Variants in ADAMTS17 observed in about 807,000 individuals in gnomAD.
ADAMTS17 encodes the protein A disintegrin and metalloproteinase with thrombospondin motifs 17.
ADAMTS17 carries 113 observed loss-of-function variants against 141.5 expected under a neutral mutation model. That is an observed-to-expected ratio of 0.80 (90% CI 0.69 to 0.93). ADAMTS17 has a LOEUF of 0.93. Ranked by LOEUF, ADAMTS17 falls within the 40% of genes least tolerant of loss-of-function variation. The pLI, the probability that ADAMTS17 is intolerant of heterozygous loss-of-function variation, is 0.00. For missense variants in ADAMTS17, 1,659 were observed against 1,517.9 expected, an observed-to-expected ratio of 1.09 and a Z score of -1.54; for synonymous variants, 768 against 630.6, an observed-to-expected ratio of 1.22 and a Z score of -3.27.
intron 14 of ADAMTS17, among the ~76,000 whole-genome samples, chr15:100,103,341 G>C (rs554323091): frequency 3.3e-5 from 5 of 152,186 alleles, no homozygotes; most frequent in Admixed American, 6.5e-5. Flanking sequence ...TAAGTGCCAG[G>C]CACGCTTTCC....
At chr15:100,281,129 C>G (rs2044265782) in intron 4 of ADAMTS17, 100 bp downstream of exon 4, 1 of 1,516,096 alleles carries the variant, frequency 6.6e-7, no homozygotes, top group Non-Finnish European at 9.0e-7. Context: ...AACCCAGCGT[C>G]TTCCTCACTT....
At chr15:100,078,842 A>G (rs1048505997) in intron 15 of ADAMTS17, among the ~76,000 whole-genome samples, 2 of 152,250 alleles carry the variant, frequency 1.3e-5, no homozygotes, top group Non-Finnish European at 2.9e-5. Flanking sequence ...TGCATCCAGA[A>G]TATATAAAGA....
At chr15:100,330,738 G>T in intron 3 of ADAMTS17, 151 bp downstream of exon 3, 1 of 958,294 alleles carries the variant, frequency 1.0e-6, no homozygotes, top group Non-Finnish European at 1.6e-6. Flanking sequence ...ACATAGAAAG[G>T]AAAAGGAAGT....
At chr15:100,183,680 T>G (rs1596212968) in intron 8 of ADAMTS17, among the ~76,000 whole-genome samples, 1 of 152,218 alleles carries the variant, frequency 6.6e-6, no homozygotes, top group Non-Finnish European at 1.5e-5. Context: ...GTATGACTAG[T>G]GATTTTCAAC....
chr15:100,260,635 A>C (rs4988781), intron 6 of ADAMTS17, among the ~76,000 whole-genome samples: 102,574 of 150,666 alleles, frequency 0.68, 34,908 homozygotes, highest in South Asian at 0.72. Flanking sequence ...AAACCAAAAA[A>C]CAAAAAACAA....
chr15:100,281,578 G>T (rs7496721), intron 3 of ADAMTS17, among the ~76,000 whole-genome samples, 177 bp from the exon 4 acceptor site: 1 of 151,804 alleles, frequency 6.6e-6, no homozygotes, highest in Non-Finnish European at 1.5e-5. Flanking sequence ...ACTCACGTAG[G>T]GGGGTGCTGG....
chr15:100,223,983 A>C (rs1463144019), intron 7 of ADAMTS17, among the ~76,000 whole-genome samples: 1 of 152,104 alleles, frequency 6.6e-6, no homozygotes. Context: ...CCAGCATGGG[A>C]GAAAGACGTA....
chr15:100,166,861 T>C (rs2039970440), intron 8 of ADAMTS17, among the ~76,000 whole-genome samples: 1 of 152,240 alleles, frequency 6.6e-6, no homozygotes, highest in South Asian at 2.1e-4. Flanking sequence ...CCAGGCATTT[T>C]GCAGAGCACC....
At chr15:100,301,491 A>ATT (rs55686011) in intron 3 of ADAMTS17, among the ~76,000 whole-genome samples, 1,652 of 133,276 alleles carry the variant, frequency 0.012, 32 homozygotes, top group East Asian at 0.078. Context: ...CACCGGGCTA[A>ATT]TTTTTTTTTT....
In ADAMTS17 at chr15:100,290,194, GT is replaced by G. The variant is rs1211685543; in HGVS notation, c.617-8794del. 3.3e-5 allele frequency among the ~76,000 whole-genome samples: 5 copies of G among 152,000 alleles called. No homozygotes were observed. In the East Asian group the frequency reaches 9.6e-4, roughly 29 times the overall value. On this transcript the variant is annotated intron_variant, in intron 3 of 21. Transcript: ENST00000268070. ...ATATATAATCAATGCACAAAAATCA[GT>G]AGCATTTCTATATACCAATGACATC...
At chr15:100,303,752 T>C (rs1453770237) in intron 3 of ADAMTS17, among the ~76,000 whole-genome samples, 1 of 152,224 alleles carries the variant, frequency 6.6e-6, no homozygotes, top group Non-Finnish European at 1.5e-5. Flanking sequence ...GGAGTTTCTC[T>C]CTTGTCGCCC....
chr15:100,126,977 C>T (rs2141209195), intron 12 of ADAMTS17, among the ~76,000 whole-genome samples: 1 of 152,310 alleles, frequency 6.6e-6, no homozygotes, highest in Middle Eastern at 3.4e-3. Flanking sequence ...AGCAGCACCC[C>T]ATTTGAAGCA....
Position 99,993,085 on chromosome 15 carries a change from G to C in ADAMTS17, c.2912C>G (p.Ser971Ter), listed in dbSNP as rs764039545. ...CCCAGTTTTCCACTCGTAGCAGCCT[G>C]AGTAGTCCTCGCAGGCCTCCTCGGC... ...PRAEEACEDYSGCYEWKTGDW... is the reference protein window; with the variant it reads ...PRAEEACEDY Residue 971 changes from serine (S) to a stop codon, truncating the protein, a stop_gained, in exon 20 of 22, where the codon TCA becomes TGA. Coordinates refer to ENST00000268070, the MANE Select transcript of ADAMTS17 (RefSeq NM_139057.4). LOFTEE classifies it high-confidence loss of function. The surrounding 1 kb of genome is among the most constrained non-coding windows in gnomAD (Gnocchi z 4.3). 6.8e-6 allele frequency: 11 copies of C among 1,614,186 alleles called. No individual in the cohort carries two copies. The highest frequency in any genetic ancestry group is 8.5e-6 in the Non-Finnish European group (10 of 1,180,054).
At chr15:100,140,328 G>C (rs897261370) in intron 10 of ADAMTS17, among the ~76,000 whole-genome samples, 3 of 151,968 alleles carry the variant, frequency 2.0e-5, no homozygotes, top group Admixed American at 6.6e-5. Flanking sequence ...GAAGTTGGCT[G>C]AAAGGCATAT....
intron 15 of ADAMTS17, among the ~76,000 whole-genome samples, chr15:100,085,248 T>G (rs948064492): frequency 1.3e-5 from 2 of 151,794 alleles, no homozygotes; most frequent in Admixed American, 1.3e-4. Flanking sequence ...GTATCAGCGA[T>G]GGAAGATGAA....
intron 3 of ADAMTS17, among the ~76,000 whole-genome samples, chr15:100,323,948 G>A (rs1033609430): frequency 2.6e-5 from 4 of 151,942 alleles, no homozygotes; most frequent in Non-Finnish European, 4.4e-5. Flanking sequence ...GGTTGCTTCC[G>A]GGGAATAAGC....
chr15:100,123,200 C>T (rs4316739), intron 12 of ADAMTS17, among the ~76,000 whole-genome samples: 84,460 of 151,994 alleles, frequency 0.56, 23,764 homozygotes, highest in Non-Finnish European at 0.57. Flanking sequence ...CAAAAGCAAC[C>T]GGAGAGACCA....
chr15:100,158,566 TGCTTACTGACGAGCA>T (rs2039544903), intron 8 of ADAMTS17, among the ~76,000 whole-genome samples: 1 of 152,108 alleles, frequency 6.6e-6, no homozygotes, highest in Non-Finnish European at 1.5e-5. Context: ...TGAAACTCGA[TGCTTACTGACGAGCA>T]GCTCCCCCTT....
chr15:100,116,768 C>T, intron 13 of ADAMTS17, 79 bp downstream of exon 13: 1 of 1,597,936 alleles, frequency 6.3e-7, no homozygotes, highest in Middle Eastern at 2.1e-4. Context: ...AGGGATGCCC[C>T]CCGGCTTCCC....
Sources: allele counts gnomAD v4.1 joint callset (sites outside exome capture counted in the v4.1 genomes callset), GRCh38; gene constraint gnomAD v4.1.1; non-coding constraint Gnocchi (gnomAD v3.1); transcripts MANE v1.5; gene names NCBI Gene and HGNC (gene_info 2026-07-23, HGNC 2026-07-21).